KCND2: variants seen among roughly 807,000 people sequenced by gnomAD.
KCND2 encodes A-type voltage-gated potassium channel KCND2.
Under a neutral mutation model 54.4 loss-of-function variants are expected in KCND2, and 16 were observed. The ratio of observed to expected loss-of-function variants is 0.29; its 90% CI spans 0.20 to 0.45. KCND2 has a LOEUF of 0.45. Ranked by LOEUF, KCND2 falls within the 20% of genes least tolerant of loss-of-function variation. The pLI, the probability that KCND2 is intolerant of heterozygous loss-of-function variation, is 1.00. For missense variants in KCND2, 486 were observed against 824.2 expected (o/e 0.59, Z 5.02); for synonymous variants, 317 against 310.7 (o/e 1.02, Z -0.21).
intron 1 of KCND2, among the ~76,000 whole-genome samples, chr7:120,678,738 G>GTATATA (rs66483423): frequency 9.2e-4 from 107 of 115,780 alleles, no homozygotes; most frequent in South Asian, 1.5e-3. Context: ...GTGTGTGAGT[G>GTATATA]TATATATATA....
chr7:120,618,005 A>G (rs559566012), intron 1 of KCND2, among the ~76,000 whole-genome samples: 1 of 151,934 alleles, frequency 6.6e-6, no homozygotes, highest in Non-Finnish European at 1.5e-5. Flanking sequence ...ACCAGAGCCT[A>G]CTCAAACAGT....
At chr7:120,312,457 T>G (rs1230940089) in intron 1 of KCND2, among the ~76,000 whole-genome samples, 1 of 152,102 alleles carries the variant, frequency 6.6e-6, no homozygotes, top group African/African-American at 2.4e-5. Flanking sequence ...TAGCCACATT[T>G]TATAAGAAAA....
chr7:120,576,673 T>C (rs969138223), intron 1 of KCND2, among the ~76,000 whole-genome samples: 4 of 152,200 alleles, frequency 2.6e-5, no homozygotes, highest in African/African-American at 9.6e-5. Context: ...AAATCTGTTT[T>C]CTTCATTCTT....
chr7:120,672,101 G>A (rs536828651), intron 1 of KCND2, among the ~76,000 whole-genome samples: 1 of 151,780 alleles, frequency 6.6e-6, no homozygotes, highest in Non-Finnish European at 1.5e-5. Context: ...TTCATTAATG[G>A]ATTATCTCCT....
At chr7:120,382,700 T>C (rs1050988276) in intron 1 of KCND2, among the ~76,000 whole-genome samples, 15 of 151,882 alleles carry the variant, frequency 9.9e-5, no homozygotes, top group Non-Finnish European at 2.1e-4. Context: ...TTTAAAAATA[T>C]CTTCCACTAA....
chr7:120,639,458 A>G (rs1234183044), intron 1 of KCND2, among the ~76,000 whole-genome samples: 2 of 152,164 alleles, frequency 1.3e-5, no homozygotes, highest in African/African-American at 2.4e-5. Context: ...ATTTTAAAAT[A>G]TGGTACTCCC....
intron 1 of KCND2, among the ~76,000 whole-genome samples, chr7:120,685,919 C>T (rs1188306850): frequency 6.6e-6 from 1 of 152,102 alleles, no homozygotes; most frequent in African/African-American, 2.4e-5. Flanking sequence ...TTATCTATGT[C>T]CCTTTGAGGA....
intron 1 of KCND2, among the ~76,000 whole-genome samples, chr7:120,604,990 T>TTC (rs1792863394): frequency 6.6e-6 from 1 of 152,212 alleles, no homozygotes; most frequent in African/African-American, 2.4e-5. Flanking sequence ...AAACAGTGCA[T>TTC]TTTTATTGTT....
At chr7:120,446,561 CACAT>C (rs1451941214) in intron 1 of KCND2, among the ~76,000 whole-genome samples, 1,707 of 89,080 alleles carry the variant, frequency 0.019, 33 homozygotes, top group African/African-American at 0.13. Context: ...CACACACACA[CACAT>C]ACACATACAC....
At chr7:120,473,694 A>G (rs1802493028) in intron 1 of KCND2, among the ~76,000 whole-genome samples, 1 of 152,216 alleles carries the variant, frequency 6.6e-6, no homozygotes, top group Non-Finnish European at 1.5e-5. Flanking sequence ...AAAAAAACAA[A>G]TAAAATAAAC....
intron 1 of KCND2, among the ~76,000 whole-genome samples, chr7:120,411,419 T>G (rs1801447612): frequency 6.6e-6 from 1 of 151,844 alleles, no homozygotes; most frequent in Non-Finnish European, 1.5e-5. Context: ...TCAATACATT[T>G]CAGTTCACAT....
chr7:120,683,575 C>T (rs2116592853), intron 1 of KCND2, among the ~76,000 whole-genome samples: 1 of 152,158 alleles, frequency 6.6e-6, no homozygotes, highest in Middle Eastern at 3.4e-3. Flanking sequence ...TAAGTAATAG[C>T]ATAACTGGCA....
intron 1 of KCND2, among the ~76,000 whole-genome samples, chr7:120,622,729 A>T: frequency 6.6e-6 from 1 of 151,366 alleles, no homozygotes; most frequent in African/African-American, 2.4e-5. Context: ...ACACACACAC[A>T]CACACACAAA....
In KCND2 at chr7:120,633,557, C is replaced by T. The variant is rs541303383; in HGVS notation, c.1116-99346C>T. On this transcript the variant is annotated intron_variant, in intron 1 of 5. Coordinates refer to ENST00000331113, the MANE Select transcript of KCND2 (RefSeq NM_012281.3). ...TCATAATGAAAGCCAAATTTAATCA[C>T]ATATTTATCAAGATTATCTTATATA... Among the ~76,000 whole-genome samples, 26 of 152,292 alleles carry T rather than the reference C, an allele frequency of 1.7e-4. 1 individual carries two copies. The highest frequency in any genetic ancestry group is 6.8e-3 in the Middle Eastern group (2 of 294).
chr7:120,366,191 T>TA, intron 1 of KCND2, among the ~76,000 whole-genome samples: 1 of 152,102 alleles, frequency 6.6e-6, no homozygotes, highest in East Asian at 1.9e-4. Flanking sequence ...AGCTAAGAGT[T>TA]AAAGAAATTT....
chr7:120,697,387 T>G, intron 1 of KCND2, among the ~76,000 whole-genome samples: 1 of 152,314 alleles, frequency 6.6e-6, no homozygotes, highest in East Asian at 1.9e-4. Flanking sequence ...AAGATTTTTT[T>G]TATTATAATT....
At chr7:120,704,408 A>T (rs1181328830) in intron 1 of KCND2, among the ~76,000 whole-genome samples, 1 of 152,170 alleles carries the variant, frequency 6.6e-6, no homozygotes, top group East Asian at 1.9e-4. Context: ...AAATACAGAA[A>T]TGATTCTTAA....
chr7:120,626,120 A>T (rs573709871), intron 1 of KCND2, among the ~76,000 whole-genome samples: 4 of 152,232 alleles, frequency 2.6e-5, no homozygotes, highest in Non-Finnish European at 4.4e-5. Flanking sequence ...TTAATATTCG[A>T]TCATGTACTT....
intron 1 of KCND2, among the ~76,000 whole-genome samples, chr7:120,574,964 G>A (rs1426837072): frequency 6.6e-6 from 1 of 151,634 alleles, no homozygotes; most frequent in African/African-American, 2.4e-5. Context: ...TCCTTAATGT[G>A]AGGACAATTC....
Sources: gnomAD v4.1 joint callset for allele counts (sites outside exome capture counted in the v4.1 genomes callset) on GRCh38, gnomAD v4.1.1 for gene constraint, MANE v1.5 for transcripts, NCBI Gene and HGNC (gene_info 2026-07-23, HGNC 2026-07-21) for gene names.